The following NLRC5 variants were observed in gnomAD, a reference collection of about 807,000 sequenced individuals.
NLRC5 encodes NLR family CARD domain containing 5.
NLRC5 carries 114 observed loss-of-function variants against 206.9 expected under a neutral mutation model. That is an observed-to-expected ratio of 0.55 (90% CI 0.47 to 0.64). The LOEUF (loss-of-function observed/expected upper bound fraction) is 0.64. Among genes scored for constraint, NLRC5 ranks in the 30% least tolerant of loss-of-function variants. The pLI, the probability that NLRC5 is intolerant of heterozygous loss-of-function variation, is 0.00. For synonymous variants in NLRC5, 952 were observed against 962.8 expected, an observed-to-expected ratio of 0.99 and a Z score of 0.21; for missense variants, 2,008 against 2,305.5, an observed-to-expected ratio of 0.87 and a Z score of 2.64.
At chr16:57,052,712 G>GGAGT (rs1221797021) in intron 24 of NLRC5, 1 of 152,032 alleles carries the variant, frequency 6.6e-6, no homozygotes, top group African/African-American at 2.4e-5. Flanking sequence ...TGGGAGGGAG[G>GGAGT]GAGGAGACGT....
chr16:57,048,682 C>T (rs1175316493), intron 23 of NLRC5, among the ~76,000 whole-genome samples: 6 of 152,176 alleles, frequency 3.9e-5, no homozygotes, highest in East Asian at 1.9e-4. Flanking sequence ...TACAGGCGCC[C>T]GCCATCATGC....
chr16:57,000,584 G>A lies in NLRC5; in HGVS notation c.-128+10967G>A, dbSNP rs1405802206. 5.3e-5 allele frequency among the ~76,000 whole-genome samples: 8 copies of A among 152,130 alleles called. No individual in the cohort carries two copies. The East Asian group carries it at 1.2e-3, about 22-fold the overall frequency. On this transcript the variant is annotated intron_variant, in intron 1 of 48. Transcript: ENST00000688547. ...TCCTGGCTCCTCGACTCTAGCTGGT[G>A]ACCTAGGCAGGTCCCTTTCCCACTG...
intron 17 of NLRC5, 75 bp downstream of exon 17, chr16:57,040,793 C>A: frequency 7.0e-7 from 1 of 1,437,108 alleles, no homozygotes; most frequent in South Asian, 1.2e-5. Context: ...GCTCCCAAAC[C>A]TGTGCCCAGG....
intron 2 of NLRC5, among the ~76,000 whole-genome samples, chr16:57,017,696 C>T (rs1416757773): frequency 2.0e-5 from 3 of 152,210 alleles, no homozygotes; most frequent in South Asian, 2.1e-4. Context: ...CTGTCAATTA[C>T]ACCTTGGTTC....
At chr16:57,082,054 T>C (rs1386415441) in intron 48 of NLRC5, among the ~76,000 whole-genome samples, 1 of 152,238 alleles carries the variant, frequency 6.6e-6, no homozygotes. Flanking sequence ...ACCTGCTAGA[T>C]TTCTAGCAGA....
intron 3 of NLRC5, 75 bp from the exon 4 acceptor site, chr16:57,022,181 A>G: frequency 7.7e-7 from 1 of 1,290,430 alleles, no homozygotes; most frequent in Admixed American, 1.8e-5. Flanking sequence ...GCCCTGAGCC[A>G]GGCGCCAGGC....
In NLRC5 at chr16:57,070,741, T is replaced by C. The variant is rs189896105; in HGVS notation, c.4667+123T>C. 5.1e-5 allele frequency: 38 copies of C among 743,966 alleles called. No individual in the cohort carries two copies. The African/African-American group carries it at 5.9e-4, about 11-fold the overall frequency. The allele number at this position is 743,966 out of a possible 1,614,324, so 46.1% of individuals were successfully genotyped here. A position where few individuals can be genotyped will look rare whatever the true frequency, so the allele number is the denominator to read the frequency against. On this transcript the variant is annotated intron_variant, in intron 38 of 48. Transcript: ENST00000688547. ...GTGGGTGAGTGGTGGGGTTGGTTAA[T>C]GGGGAATGGGGTGAGTGAGTGGTGG...
At position 57,034,206 on chromosome 16, in the gene NLRC5, C is replaced by T. The variant is rs1428916926; in HGVS notation, c.2582C>T (p.Ala861Val). ...KCQLQVHDAEALIALLQEGPH... is the reference protein window; with the variant it reads ...KCQLQVHDAEVLIALLQEGPH... Reference sequence around the variant, plus strand: ...CAGCTCCAGGTCCACGATGCGGAGGCCCTCATAGCCCTGCTCCAGGAAGGC... The same window carrying T: ...CAGCTCCAGGTCCACGATGCGGAGGTCCTCATAGCCCTGCTCCAGGAAGGC... Residue 861 changes from alanine to valine, a missense_variant, in exon 13 of 49, where the codon GCC (alanine) becomes GTC (valine). Transcript: ENST00000688547. The T allele has an allele frequency of 5.6e-6, 9 of 1,613,956 alleles. No individual in the cohort carries two copies. In the Admixed American group the frequency reaches 1.2e-4, roughly 21 times the overall value.
In NLRC5 at chr16:57,079,544, A is replaced by G; in HGVS notation, c.5238-2A>G. On this transcript the variant is annotated splice_acceptor_variant, in intron 45 of 48. Transcript: ENST00000688547. LOFTEE classifies it high-confidence loss of function. ...CCATCCCATGCCCTTCTCCATCCCC[A>G]GCCTGGTTTCCTGTAAGATTGACAA... 6.2e-7 allele frequency: 1 copy of G among 1,613,980 alleles called. No individual in the cohort carries two copies. Among genetic ancestry groups the G allele is most frequent in the Admixed American group, 1.7e-5 (1 of 60,016 alleles).
In NLRC5 at chr16:57,043,623, C is replaced by A; in HGVS notation, c.3203+19C>A. The A allele has an allele frequency of 6.3e-7, 1 of 1,598,736 alleles. No homozygotes were observed. Among genetic ancestry groups the A allele is most frequent in the Non-Finnish European group, 8.6e-7 (1 of 1,165,982 alleles). On this transcript the variant is annotated intron_variant, in intron 20 of 48. Coordinates refer to ENST00000688547, the MANE Select transcript of NLRC5 (RefSeq NM_001384950.1). ...ACATCAGGTGAGCGTGCCTCTCCGC[C>A]CCCAGCCCTGCCCCTGTCCCCCATC...
At chr16:57,034,437 G>A (rs1168777095) in intron 13 of NLRC5, 186 bp downstream of exon 13, 11 of 597,884 alleles carry the variant, frequency 1.8e-5, no homozygotes, top group Non-Finnish European at 3.3e-5. Flanking sequence ...GCTGTGCTAG[G>A]GACTGTACAT....
At chr16:57,080,091 T>C (rs1423500180) in intron 46 of NLRC5, among the ~76,000 whole-genome samples, 1 of 152,156 alleles carries the variant, frequency 6.6e-6, no homozygotes, top group Non-Finnish European at 1.5e-5. Flanking sequence ...CCCCCAGACC[T>C]TGGGGCTTTG....
chr16:57,061,512 C>T lies in NLRC5; in HGVS notation c.4051C>T (p.Leu1351=), dbSNP rs1407417153. Residue 1351 remains leucine, a synonymous_variant, in exon 31 of 49, where the codon CTG becomes TTG. Transcript: ENST00000688547. ...SRLATGLSKS[L]QLTELTLTQC... is the part of the protein sequence containing the mutation. Reference sequence around the variant, plus strand: ...GCTGGCCACCGGCTTGAGCAAGTCCCTGCAGCTGACGGAGCTCACGTGAGT... The same window carrying T: ...GCTGGCCACCGGCTTGAGCAAGTCCTTGCAGCTGACGGAGCTCACGTGAGT... 16 of 1,610,456 alleles carry T rather than the reference C, an allele frequency of 9.9e-6. No homozygotes were observed. The highest frequency in any genetic ancestry group is 1.4e-5 in the Non-Finnish European group (16 of 1,180,016).
At chr16:57,013,240 T>C in intron 1 of NLRC5, 2 of 524,058 alleles carry the variant, frequency 3.8e-6, no homozygotes, top group Non-Finnish European at 7.2e-6. Flanking sequence ...TAAAGCCACA[T>C]TCAATCTTTG....
chr16:57,046,492 C>A, intron 21 of NLRC5, 60 bp from the exon 22 acceptor site: 3 of 1,412,506 alleles, frequency 2.1e-6, no homozygotes, highest in Non-Finnish European at 3.0e-6. Context: ...GGTATATGGG[C>A]TGGGCTGGGA....
intron 38 of NLRC5, among the ~76,000 whole-genome samples, chr16:57,071,146 T>G (rs112536827): frequency 9.2e-4 from 59 of 63,918 alleles, no homozygotes; most frequent in Admixed American, 1.2e-3. Flanking sequence ...AATGGGGAAG[T>G]GTTGTGAGTG....
intron 38 of NLRC5, among the ~76,000 whole-genome samples, chr16:57,073,598 T>A (rs1391190703): frequency 1.3e-5 from 2 of 152,178 alleles, no homozygotes; most frequent in Admixed American, 1.3e-4. Context: ...TCTTATTTTA[T>A]TATTTATTTA....
intron 32 of NLRC5, chr16:57,062,477 T>C: frequency 4.3e-6 from 1 of 231,134 alleles, no homozygotes; most frequent in Non-Finnish European, 8.7e-6. Context: ...CACAGCTTTC[T>C]GTTTCATGTC....
chr16:57,058,329 C>G (rs2065958160), intron 28 of NLRC5, 181 bp downstream of exon 28: 2 of 592,064 alleles, frequency 3.4e-6, no homozygotes, highest in Non-Finnish European at 6.1e-6. Context: ...TCCTCTGTCC[C>G]TCACACCCAC....
Sources: allele counts gnomAD v4.1 joint callset (sites outside exome capture counted in the v4.1 genomes callset), GRCh38; gene constraint gnomAD v4.1.1; transcripts MANE v1.5; gene names NCBI Gene and HGNC (gene_info 2026-07-23, HGNC 2026-07-21).